The following CDKL1 variants were observed in gnomAD, a reference collection of about 807,000 sequenced individuals.
CDKL1 encodes the protein cyclin-dependent kinase-like 1.
In CDKL1, 41 loss-of-function variants were observed where a neutral mutation model predicts 42.0. The observed-to-expected ratio is 0.98, with a 90% CI of 0.76 to 1.27. CDKL1 has a LOEUF of 1.27. Among genes scored for constraint, CDKL1 ranks in the 50% most tolerant of loss-of-function variants. The probability of loss-of-function intolerance (pLI) is 0.00; values close to 1 mark genes in which losing one functional copy is unlikely to be tolerated. For synonymous variants in CDKL1, 153 were observed against 158.6 expected (o/e 0.96, Z 0.26); for missense variants, 394 against 428.4 (o/e 0.92, Z 0.71).
At chr14:50,367,930 CTT>C (rs931985926) in intron 2 of CDKL1, among the ~76,000 whole-genome samples, 1 of 152,126 alleles carries the variant, frequency 6.6e-6, no homozygotes. Context: ...TTTATTTTCT[CTT>C]TGTGTTTTTT....
chr14:50,396,440 ATCG>A (rs2035409480), intron 1 of CDKL1, 111 bp from the exon 2 acceptor site: 4 of 985,424 alleles, frequency 4.1e-6, no homozygotes, highest in Non-Finnish European at 4.8e-6. Flanking sequence ...CCCGATTTTA[ATCG>A]CCCGTTAAAT....
chr14:50,332,953 T>A, intron 8 of CDKL1: 1 of 322,912 alleles, frequency 3.1e-6, no homozygotes, highest in Non-Finnish European at 5.6e-6. Flanking sequence ...AGTTGATGCA[T>A]TATAAGTATA....
At chr14:50,341,504 C>T (rs2033536921) in intron 5 of CDKL1, among the ~76,000 whole-genome samples, 1 of 144,488 alleles carries the variant, frequency 6.9e-6, no homozygotes, top group South Asian at 2.2e-4. Context: ...GTTCCCTGGG[C>T]ACAGCGGCTC....
intron 2 of CDKL1, among the ~76,000 whole-genome samples, chr14:50,385,070 C>CAAAA (rs55719234): frequency 4.3e-5 from 4 of 93,556 alleles, no homozygotes; most frequent in African/African-American, 8.4e-5. Context: ...GACTCTGTCT[C>CAAAA]AAAAAAAAAA....
intron 3 of CDKL1, 50 bp downstream of exon 3, chr14:50,358,978 C>T (rs1368703444): frequency 6.3e-7 from 1 of 1,575,804 alleles, no homozygotes; most frequent in Non-Finnish European, 8.7e-7. Context: ...ACTTTTCGCT[C>T]ACAAATCCCA....
chr14:50,367,887 C>G (rs1566597573), intron 2 of CDKL1, among the ~76,000 whole-genome samples: 1 of 152,158 alleles, frequency 6.6e-6, no homozygotes, highest in Admixed American at 6.5e-5. Context: ...AAAGTTTCCA[C>G]TTTTGCTGCT....
intron 2 of CDKL1, 74 bp downstream of exon 2, chr14:50,395,627 G>GAGAT (rs1382107844): frequency 2.0e-6 from 2 of 1,007,334 alleles, no homozygotes; most frequent in Non-Finnish European, 3.0e-6. Flanking sequence ...TGATCACATG[G>GAGAT]CTGCACTCCA....
chr14:50,338,834 T>C (rs2033404005), intron 7 of CDKL1, 113 bp downstream of exon 7: 1 of 741,716 alleles, frequency 1.3e-6, no homozygotes, highest in Non-Finnish European at 2.5e-6. Context: ...ATTTTCTTTT[T>C]CTCTGTTAGA....
chr14:50,335,345 A>G (rs2033204833), intron 7 of CDKL1: 1 of 650,134 alleles, frequency 1.5e-6, no homozygotes, highest in Admixed American at 3.0e-5. Context: ...TAATTATATA[A>G]AGGGAGCTGC....
chr14:50,362,686 G>A (rs549675989), intron 2 of CDKL1, among the ~76,000 whole-genome samples: 1 of 152,256 alleles, frequency 6.6e-6, no homozygotes, highest in South Asian at 2.1e-4. Context: ...TCTGTATCTG[G>A]CTAATCTAGT....
At position 50,327,847 on chromosome 14, in the gene CDKL1, A is replaced by G. The variant is rs1306928664; in HGVS notation, c.*2227T>C. 6.6e-6 allele frequency: 1 copy of G among 152,190 alleles called. No homozygotes were observed. The allele number at this position is 152,190 out of a possible 1,614,324, so 9.4% of individuals were successfully genotyped here. A position where few individuals can be genotyped will look rare whatever the true frequency, so the allele number is the denominator to read the frequency against. ...AAAATGAATTTTCGTTGTGTTTAAC[A>G]ATGTTGTGTTTAACAGCTTATACAA... On this transcript the variant is annotated 3_prime_UTR_variant, in exon 10 of 10. Coordinates refer to ENST00000395834, the MANE Select transcript of CDKL1 (RefSeq NM_004196.7).
At chr14:50,382,400 G>C (rs1353777289) in intron 2 of CDKL1, among the ~76,000 whole-genome samples, 4 of 152,116 alleles carry the variant, frequency 2.6e-5, no homozygotes, top group Admixed American at 6.5e-5. Context: ...GCAGTGAGCT[G>C]AGATCGTGCC....
intron 2 of CDKL1, among the ~76,000 whole-genome samples, chr14:50,389,095 T>G (rs1285236607): frequency 3.1e-5 from 2 of 64,528 alleles, no homozygotes; most frequent in Non-Finnish European, 5.6e-5. Flanking sequence ...TGAGACTGTC[T>G]TCAAAAAAAA....
chr14:50,371,380 G>A (rs1012822179), intron 2 of CDKL1, among the ~76,000 whole-genome samples: 2 of 151,974 alleles, frequency 1.3e-5, no homozygotes, highest in African/African-American at 4.8e-5. Flanking sequence ...CCACATCCTC[G>A]CCAACATTTA....
intron 9 of CDKL1, chr14:50,330,809 A>G (rs4898654): frequency 0.56 from 85,591 of 152,214 alleles, 24,117 homozygotes; most frequent in East Asian, 0.62. Context: ...GTATTGCACT[A>G]TATGTCCTTC....
chr14:50,387,621 T>C (rs1016966658), intron 2 of CDKL1, among the ~76,000 whole-genome samples: 2 of 152,168 alleles, frequency 1.3e-5, no homozygotes, highest in East Asian at 3.8e-4. Flanking sequence ...GACCCCAGTT[T>C]GCCCCAGTCT....
intron 7 of CDKL1, among the ~76,000 whole-genome samples, chr14:50,336,796 C>T (rs1193778636): frequency 6.6e-6 from 1 of 151,904 alleles, no homozygotes; most frequent in East Asian, 1.9e-4. Flanking sequence ...CCCAAAATCC[C>T]ACCCAAAAGA....
At chr14:50,373,439 A>G (rs1361776158) in intron 2 of CDKL1, among the ~76,000 whole-genome samples, 1 of 152,236 alleles carries the variant, frequency 6.6e-6, no homozygotes, top group Non-Finnish European at 1.5e-5. Context: ...TTTCCTAACC[A>G]GCAGGCAAAC....
intron 2 of CDKL1, among the ~76,000 whole-genome samples, chr14:50,370,385 A>C (rs2034558388): frequency 6.6e-6 from 1 of 152,184 alleles, no homozygotes; most frequent in Non-Finnish European, 1.5e-5. Context: ...AGCAATTTTG[A>C]AGTGTACAAT....
Sources: allele counts gnomAD v4.1 joint callset (sites outside exome capture counted in the v4.1 genomes callset), GRCh38; gene constraint gnomAD v4.1.1; transcripts MANE v1.5; gene names NCBI Gene and HGNC (gene_info 2026-07-23, HGNC 2026-07-21).